Variants in ABHD16A observed in about 807,000 individuals in gnomAD.
The protein encoded by ABHD16A is abhydrolase domain containing 16A, phospholipase.
In ABHD16A, 47 loss-of-function variants were observed where a neutral mutation model predicts 89.8. That is an observed-to-expected ratio of 0.52 (90% CI 0.41 to 0.67). ABHD16A has a LOEUF of 0.67. ABHD16A is among the 30% of genes least tolerant of loss of function. The pLI, the probability that ABHD16A is intolerant of heterozygous loss-of-function variation, is 0.00. For missense variants in ABHD16A, 580 were observed against 734.6 expected (o/e 0.79, Z 2.43); for synonymous variants, 251 against 280.4 (o/e 0.90, Z 1.05).
At chr6:31,689,965 AG>A in intron 11 of ABHD16A, 112 bp downstream of exon 11, 1 of 1,282,018 alleles carries the variant, frequency 7.8e-7, no homozygotes, top group Non-Finnish European at 1.1e-6. Flanking sequence ...CCCAGCCCTC[AG>A]GTGAGTGGGA....
At chr6:31,689,755 C>T in intron 11 of ABHD16A, 51 bp from the exon 12 acceptor site, 1 of 1,571,052 alleles carries the variant, frequency 6.4e-7, no homozygotes, top group Non-Finnish European at 8.6e-7. Context: ...AAGGCCAGCT[C>T]ACCTGTCCCT....
chr6:31,693,969 TC>T lies in ABHD16A; in HGVS notation c.430-538del, dbSNP rs370646239. ...TCTGACTTCCATCCTCACAACTACATCCCTTCCTCAACTCCTGCAGCCATGG... is the reference window on the plus strand; with the variant it reads ...TCTGACTTCCATCCTCACAACTACATCCTTCCTCAACTCCTGCAGCCATGG... On this transcript the variant is annotated intron_variant, in intron 5 of 19. Transcript: ENST00000395952. This position sits in a 1 kb window ranked among gnomAD's most constrained non-coding sequence, Gnocchi z 5.0. Among the ~76,000 whole-genome samples, 906 of 151,692 alleles carry T rather than the reference TC, an allele frequency of 6.0e-3. 27 individuals carry two copies. In the South Asian group the frequency reaches 0.087, roughly 15 times the overall value.
At chr6:31,703,082 TG>T (rs1805186332) in intron 1 of ABHD16A, 67 bp downstream of exon 1, 1 of 1,372,698 alleles carries the variant, frequency 7.3e-7, no homozygotes, top group Non-Finnish European at 9.5e-7. Context: ...TGGGCACTTC[TG>T]GGGAGCAAAA....
At chr6:31,691,939 C>T (rs765573762) in intron 7 of ABHD16A, 21 bp from the exon 8 acceptor site, 9 of 1,576,216 alleles carry the variant, frequency 5.7e-6, no homozygotes, top group East Asian at 2.3e-5. Context: ...CACAGGTTAA[C>T]AAACCCCAAC....
At chr6:31,691,389 C>CAGA in intron 9 of ABHD16A, 190 bp downstream of exon 9, 1 of 571,732 alleles carries the variant, frequency 1.7e-6, no homozygotes, top group Non-Finnish European at 3.1e-6. Context: ...CGTCCTTGAA[C>CAGA]GTCTCTCCTA....
In ABHD16A at chr6:31,688,787, C is replaced by G. The variant is rs2151223126; in HGVS notation, c.1187-1G>C. On this transcript the variant is annotated splice_acceptor_variant, in intron 13 of 19. Coordinates refer to ENST00000395952, the MANE Select transcript of ABHD16A (RefSeq NM_021160.3). LOFTEE classifies it high-confidence loss of function. The surrounding 1 kb of genome is among the most constrained non-coding windows in gnomAD (Gnocchi z 4.9). ...CTCACGGTCCTGGTCACCAGGCCCC[C>G]TAGAGTGGGATAAAGGTGAAGGGAT... 1.2e-6 allele frequency: 2 copies of G among 1,612,640 alleles called. No homozygotes were observed. Among genetic ancestry groups the G allele is most frequent in the Admixed American group, 1.7e-5 (1 of 59,968 alleles).
At chr6:31,700,490 T>C (rs1804857529) in intron 4 of ABHD16A, among the ~76,000 whole-genome samples, 1 of 152,236 alleles carries the variant, frequency 6.6e-6, no homozygotes, top group Non-Finnish European at 1.5e-5. Flanking sequence ...TTAGGATTAT[T>C]ACAAACAATG....
At position 31,694,390 on chromosome 6, in the gene ABHD16A, T is replaced by TTTTTTTTC. The variant is rs1311170719; in HGVS notation, c.430-959_430-958insGAAAAAAA. 9.9e-4 allele frequency among the ~76,000 whole-genome samples: 114 copies of TTTTTTTTC among 115,022 alleles called. 3 individuals carry two copies. Among genetic ancestry groups the TTTTTTTTC allele is most frequent in the Non-Finnish European group, 1.5e-3 (79 of 53,230 alleles). 75.5% of individuals were successfully genotyped at this position (115,022 alleles called of 152,430 possible). ...TTGACGGCAGTGGGAGCTGTGTCTTTTTTTTTTTTTTTTTTTTTGAGATGG... is the reference window on the plus strand; with the variant it reads ...TTGACGGCAGTGGGAGCTGTGTCTTTTTTTTTTCTTTTTTTTTTTTTTTTTTGAGATGG... On this transcript the variant is annotated intron_variant, in intron 5 of 19. Transcript: ENST00000395952.
Position 31,688,667 on chromosome 6 carries a change from C to T in ABHD16A, c.1250+56G>A. ...AGTACTAGTTTCAGGGTTTGAGCGC[C>T]CAGCAGAGCTGTATGGGGGGCAGGT... On this transcript the variant is annotated intron_variant, in intron 14 of 19. Transcript: ENST00000395952. This position sits in a 1 kb window ranked among gnomAD's most constrained non-coding sequence, Gnocchi z 4.9. The T allele has an allele frequency of 6.3e-7, 1 of 1,594,660 alleles. No individual in the cohort carries two copies. Among genetic ancestry groups the T allele is most frequent in the East Asian group, 2.2e-5 (1 of 44,740 alleles).
In ABHD16A at chr6:31,698,270, C is replaced by T. The variant is rs1804581625; in HGVS notation, c.344-1237G>A. Among the ~76,000 whole-genome samples, 1 of 149,966 alleles carries T rather than the reference C, an allele frequency of 6.7e-6. No individual in the cohort carries two copies. The highest frequency in any genetic ancestry group is 2.1e-4 in the South Asian group (1 of 4,806). On this transcript the variant is annotated intron_variant, in intron 4 of 19. Coordinates refer to ENST00000395952, the MANE Select transcript of ABHD16A (RefSeq NM_021160.3). This position sits in a 1 kb window ranked among gnomAD's most constrained non-coding sequence, Gnocchi z 4.1. ...GTGCCAGAAAAAAAAAAAACCCACACCAAATGACAATTATTACTTCTGAGG... is the reference window on the plus strand; with the variant it reads ...GTGCCAGAAAAAAAAAAAACCCACATCAAATGACAATTATTACTTCTGAGG...
chr6:31,689,102 A>T lies in ABHD16A; in HGVS notation c.1099T>A (p.Ser367Thr). ...GGFTATWAAM[S>T]YPDVSAMILD... ...ATCATGGCACTAACATCTGGGTAGG[A>T]CATGGCTGCCCACGTGGCTGGTACC... The change falls in exon 13 of 20, where the codon TCC (serine) becomes ACC (threonine). Residue 367 changes from serine to threonine, a missense_variant. Around this residue, in one of 2 missense-constraint regions of ABHD16A, gnomAD observed 415 missense variants for 568.8 expected, o/e 0.73. Transcript: ENST00000395952. The T allele has an allele frequency of 6.2e-7, 1 of 1,613,948 alleles. No individual in the cohort carries two copies. Among genetic ancestry groups the T allele is most frequent in the South Asian group, 1.1e-5 (1 of 91,062 alleles).
chr6:31,695,374 CA>C (rs1216548338), intron 5 of ABHD16A, among the ~76,000 whole-genome samples: 1 of 152,196 alleles, frequency 6.6e-6, no homozygotes, highest in Non-Finnish European at 1.5e-5. Context: ...ATGCATACAA[CA>C]AAATTAAACA....
chr6:31,694,816 G>A (rs932764673), intron 5 of ABHD16A, among the ~76,000 whole-genome samples: 2 of 151,960 alleles, frequency 1.3e-5, no homozygotes, highest in Non-Finnish European at 2.9e-5. Context: ...GACTAACAGA[G>A]AGCAATAGAA....
At chr6:31,701,231 AC>A in intron 3 of ABHD16A, 42 bp downstream of exon 3, 2 of 1,575,170 alleles carry the variant, frequency 1.3e-6, no homozygotes, top group East Asian at 4.5e-5. Flanking sequence ...TCTGCCAACA[AC>A]CTGCCCATTT....
At chr6:31,703,001 T>G in intron 1 of ABHD16A, 149 bp downstream of exon 1, 1 of 1,347,504 alleles carries the variant, frequency 7.4e-7, no homozygotes, top group Non-Finnish European at 9.6e-7. Flanking sequence ...TGACTTTAAC[T>G]CAGGAAGCAC....
Position 31,693,305 on chromosome 6 carries a change from A to AT in ABHD16A, c.503+53dup. 6.2e-7 allele frequency: 1 copy of AT among 1,605,544 alleles called. No individual in the cohort carries two copies. The highest frequency in any genetic ancestry group is 8.5e-7 in the Non-Finnish European group (1 of 1,173,680). On this transcript the variant is annotated intron_variant, in intron 6 of 19. Coordinates refer to ENST00000395952, the MANE Select transcript of ABHD16A (RefSeq NM_021160.3). This position sits in a 1 kb window ranked among gnomAD's most constrained non-coding sequence, Gnocchi z 5.0. ...ATGGAGGTGGGAGGGCAGAGCAGAGATTTTCTGGAATGGTTCTAAGGGGAG... is the reference window on the plus strand; with the variant it reads ...ATGGAGGTGGGAGGGCAGAGCAGAGATTTTTCTGGAATGGTTCTAAGGGGAG...
rs1804099836 is a variant in ABHD16A, at chr6:31,693,421, G to A, written c.441C>T (p.Ala147=). The change falls in exon 6 of 20, where the codon GCC becomes GCT. Residue 147 remains alanine, a synonymous_variant. Coordinates refer to ENST00000395952, the MANE Select transcript of ABHD16A (RefSeq NM_021160.3). The surrounding 1 kb of genome is among the most constrained non-coding windows in gnomAD (Gnocchi z 5.0). ...AGCTCCGGAAGTCAAAGTTGTAGTTGGCAAGCTGCCTCTGCAGTGGGCACG... is the reference window on the plus strand; with the variant it reads ...AGCTCCGGAAGTCAAAGTTGTAGTTAGCAAGCTGCCTCTGCAGTGGGCACG... The part of the protein sequence containing the change: ...NQSSENKRQL[A]NYNFDFRSWP... 4.3e-6 allele frequency: 7 copies of A among 1,613,010 alleles called. No homozygotes were observed. The highest frequency in any genetic ancestry group is 5.9e-6 in the Non-Finnish European group (7 of 1,180,014).
rs1803442647 is a variant in ABHD16A, at chr6:31,687,749, GGA to G, written c.1448-11_1448-10del. On this transcript the variant is annotated splice_polypyrimidine_tract_variant and intron_variant, in intron 17 of 19. Transcript: ENST00000395952. This position sits in a 1 kb window ranked among gnomAD's most constrained non-coding sequence, Gnocchi z 6.3. ...TCGGCTATAAATTGAGGCTGGTCAG[GGA>G]GAGAGATGACAGCCAGTCAGCAACC... is the stretch of plus-strand genomic sequence containing the variant. 1 of 1,612,700 alleles carries G rather than the reference GGA, an allele frequency of 6.2e-7. No homozygotes were observed. Among genetic ancestry groups the G allele is most frequent in the African/African-American group, 1.3e-5 (1 of 74,872 alleles).
In ABHD16A at chr6:31,687,496, A is replaced by T. The variant is rs1285047328; in HGVS notation, c.1593+2T>A. On this transcript the variant is annotated splice_donor_variant, in intron 19 of 19. Transcript: ENST00000395952. LOFTEE classifies it high-confidence loss of function. This position sits in a 1 kb window ranked among gnomAD's most constrained non-coding sequence, Gnocchi z 6.3. ...CTTCCCACTTCCCACTCCTTAGCTCACCAGAAACAAAGCCAGCTGCCGCCG... is the reference window on the plus strand; with the variant it reads ...CTTCCCACTTCCCACTCCTTAGCTCTCCAGAAACAAAGCCAGCTGCCGCCG... 2 of 1,612,968 alleles carry T rather than the reference A, an allele frequency of 1.2e-6. No individual in the cohort carries two copies. The highest frequency in any genetic ancestry group is 1.7e-6 in the Non-Finnish European group (2 of 1,179,942).
Sources: gnomAD v4.1 joint callset for allele counts (sites outside exome capture counted in the v4.1 genomes callset) on GRCh38, gnomAD v4.1.1 for gene constraint, gnomAD v4.1.1 regional missense constraint, Gnocchi (gnomAD v3.1) non-coding constraint, MANE v1.5 for transcripts, NCBI Gene and HGNC (gene_info 2026-07-23, HGNC 2026-07-21) for gene names.